Variants in TMEM232 observed in about 807,000 individuals in gnomAD.
TMEM232 encodes transmembrane protein 232.
TMEM232 carries 80 observed loss-of-function variants against 78.8 expected under a neutral mutation model. The observed-to-expected ratio is 1.01, with a 90% CI of 0.85 to 1.22. The LOEUF (loss-of-function observed/expected upper bound fraction) is 1.22. Ranked by LOEUF, TMEM232 falls within the 50% of genes most tolerant of loss-of-function variation. TMEM232 has a pLI of 0.00. For missense variants in TMEM232, 881 were observed against 742.2 expected, an observed-to-expected ratio of 1.19 and a Z score of -2.17; for synonymous variants, 297 against 254.3, an observed-to-expected ratio of 1.17 and a Z score of -1.60.
intron 11 of TMEM232, among the ~76,000 whole-genome samples, chr5:110,551,928 A>G (rs1054624184): frequency 1.3e-5 from 2 of 152,126 alleles, no homozygotes; most frequent in Admixed American, 6.5e-5. Flanking sequence ...TTTTCAGCAA[A>G]CCAAAAATAA....
chr5:110,641,007 G>A lies in TMEM232; in HGVS notation c.238-11C>T. On this transcript the variant is annotated splice_polypyrimidine_tract_variant and intron_variant, in intron 3 of 13. Coordinates refer to ENST00000455884, the MANE Select transcript of TMEM232 (RefSeq NM_001039763.4). ...GAGACCCAATTTTCTCTGTTATGAG[G>A]AAGCATGAAAAAGACAAATCAAAAT... 6.7e-7 allele frequency: 1 copy of A among 1,487,726 alleles called. No individual in the cohort carries two copies. Among genetic ancestry groups the A allele is most frequent in the South Asian group, 1.4e-5 (1 of 72,116 alleles). 92.2% of individuals were successfully genotyped at this position (1,487,726 alleles called of 1,614,324 possible).
intron 12 of TMEM232, among the ~76,000 whole-genome samples, chr5:110,492,856 T>C (rs534466218): frequency 3.9e-5 from 6 of 152,104 alleles, no homozygotes; most frequent in African/African-American, 1.4e-4. Flanking sequence ...ACTTAAAAAT[T>C]TTTGAAGCCA....
intron 12 of TMEM232, among the ~76,000 whole-genome samples, chr5:110,445,779 C>G (rs550108096): frequency 2.0e-5 from 3 of 152,176 alleles, no homozygotes; most frequent in East Asian, 1.9e-4. Context: ...GGCTGGCGAT[C>G]AAAGACATGA....
At chr5:110,507,126 T>A (rs1233135714) in intron 12 of TMEM232, among the ~76,000 whole-genome samples, 2 of 152,146 alleles carry the variant, frequency 1.3e-5, no homozygotes, top group Non-Finnish European at 2.9e-5. Context: ...ATTTAGAGAT[T>A]TTTCACTATT....
At chr5:110,685,599 T>C (rs1055874435) in intron 1 of TMEM232, among the ~76,000 whole-genome samples, 3 of 152,132 alleles carry the variant, frequency 2.0e-5, no homozygotes, top group Non-Finnish European at 4.4e-5. Context: ...TCTATTTGTC[T>C]GTGCCTTTGT....
At chr5:110,516,221 A>G (rs1054717641) in intron 12 of TMEM232, among the ~76,000 whole-genome samples, 20 of 152,188 alleles carry the variant, frequency 1.3e-4, no homozygotes, top group African/African-American at 4.8e-4. Context: ...CCTGGGCAAC[A>G]GAGGAAGACT....
rs1246274119 is a variant in TMEM232, at chr5:110,667,238, G to C, written c.115C>G (p.His39Asp). ...NFQHLSGERGHKSRPTFSITK... is the reference protein window; with the variant it reads ...NFQHLSGERGDKSRPTFSITK... ...TATTTTCTAGCTTACCTTGATTTAT[G>C]ACCCCTTTCTCCACTTAAATGTTGA... is the stretch of plus-strand genomic sequence containing the variant. The change falls in exon 2 of 14, where the codon CAT (histidine) becomes GAT (aspartate). Residue 39 changes from histidine to aspartate, a missense_variant. Physicochemically the swap from His to Asp is moderately conservative, Grantham distance 81 (BLOSUM62 -1). Coordinates refer to ENST00000455884, the MANE Select transcript of TMEM232 (RefSeq NM_001039763.4). The C allele has an allele frequency of 6.5e-7, 1 of 1,541,960 alleles. No homozygotes were observed. The highest frequency in any genetic ancestry group is 2.0e-5 in the Admixed American group (1 of 50,092).
rs369766773 is a variant in TMEM232, at chr5:110,577,355, G to A, written c.1277-8730C>T. Among the ~76,000 whole-genome samples the A allele has an allele frequency of 6.6e-5, 10 of 152,036 alleles. 1 individual carries two copies. The East Asian group carries it at 7.8e-4, about 12-fold the overall frequency. ...TCTTACACCAGTCAGAATGGCAATT[G>A]TTAAAAGTAAAAAAATAACAGGTGC... On this transcript the variant is annotated intron_variant, in intron 10 of 13. Transcript: ENST00000455884.
intron 10 of TMEM232, among the ~76,000 whole-genome samples, chr5:110,570,903 C>A (rs1166113915): frequency 1.3e-5 from 2 of 151,964 alleles, no homozygotes; most frequent in Admixed American, 1.3e-4. Flanking sequence ...TCTATCACCA[C>A]TCCTTTAATC....
At chr5:110,684,264 G>A (rs908123853) in intron 1 of TMEM232, among the ~76,000 whole-genome samples, 4 of 151,438 alleles carry the variant, frequency 2.6e-5, no homozygotes, top group African/African-American at 9.7e-5. Flanking sequence ...GAAAAGAAGA[G>A]GGACCATATT....
chr5:110,415,420 C>A (rs1364388053), downstream of TMEM232, among the ~76,000 whole-genome samples: 2 of 151,910 alleles, frequency 1.3e-5, no homozygotes, highest in East Asian at 3.9e-4. Flanking sequence ...GATCTCCTGA[C>A]CCGTGTTCCA....
chr5:110,633,557 G>A (rs368746024), intron 5 of TMEM232, among the ~76,000 whole-genome samples: 4 of 152,228 alleles, frequency 2.6e-5, no homozygotes, highest in African/African-American at 9.6e-5. Context: ...TGCTCTTCTG[G>A]TGATAATGAG....
chr5:110,476,256 G>T (rs1358507669), intron 12 of TMEM232, among the ~76,000 whole-genome samples: 3 of 151,908 alleles, frequency 2.0e-5, no homozygotes, highest in Non-Finnish European at 4.4e-5. Context: ...GTTAAATGAA[G>T]TCATATGGAT....
downstream of TMEM232, among the ~76,000 whole-genome samples, chr5:110,415,828 T>C (rs1756184971): frequency 6.6e-6 from 1 of 152,144 alleles, no homozygotes; most frequent in Admixed American, 6.5e-5. Flanking sequence ...GATTCTGAGA[T>C]GTTTGACCTT....
chr5:110,603,849 TA>T (rs1343513536), intron 10 of TMEM232, among the ~76,000 whole-genome samples: 3 of 152,154 alleles, frequency 2.0e-5, no homozygotes, highest in East Asian at 3.9e-4. Flanking sequence ...GAAGGCAATT[TA>T]AAAATAGTGA....
At chr5:110,529,994 T>C (rs1379450423) in intron 11 of TMEM232, among the ~76,000 whole-genome samples, 2 of 152,234 alleles carry the variant, frequency 1.3e-5, no homozygotes. Context: ...AGGCAGCTCA[T>C]TACTAGTGAC....
At chr5:110,663,845 T>C (rs1790163405) in intron 2 of TMEM232, among the ~76,000 whole-genome samples, 1 of 151,906 alleles carries the variant, frequency 6.6e-6, no homozygotes, top group Non-Finnish European at 1.5e-5. Context: ...TAATAAATCA[T>C]AAATTATACT....
At chr5:110,444,452 ATGC>A (rs1400459363) in intron 12 of TMEM232, among the ~76,000 whole-genome samples, 1 of 152,106 alleles carries the variant, frequency 6.6e-6, no homozygotes, top group Non-Finnish European at 1.5e-5. Flanking sequence ...TTGGGAAGGG[ATGC>A]TGTCAGCAAT....
intron 1 of TMEM232, among the ~76,000 whole-genome samples, chr5:110,669,562 A>C (rs1351946017): frequency 1.3e-5 from 2 of 152,154 alleles, no homozygotes; most frequent in Admixed American, 1.3e-4. Context: ...ACAAGGCGGA[A>C]CTAGTACCAT....
Sources: allele counts gnomAD v4.1 joint callset (sites outside exome capture counted in the v4.1 genomes callset), GRCh38; gene constraint gnomAD v4.1.1; transcripts MANE v1.5; gene names NCBI Gene and HGNC (gene_info 2026-07-23, HGNC 2026-07-21).